KCNJ15: variants seen among roughly 807,000 people sequenced by gnomAD.
The protein encoded by KCNJ15 is potassium inwardly rectifying channel subfamily J member 15, also known as ATP-sensitive inward rectifier potassium channel 15.
A neutral mutation model predicts 23.0 loss-of-function variants in KCNJ15; 14 were observed. The ratio of observed to expected loss-of-function variants is 0.61; its 90% CI spans 0.40 to 0.95. KCNJ15 has a LOEUF of 0.95. Among genes scored for constraint, KCNJ15 ranks in the 40% least tolerant of loss-of-function variants. The pLI is 0.00. For synonymous variants in KCNJ15, 185 were observed against 183.2 expected (o/e 1.01, Z -0.08); for missense variants, 388 against 461.8 (o/e 0.84, Z 1.46).
chr21:38,247,101 C>CATGG (rs1251368471), intron 1 of KCNJ15, among the ~76,000 whole-genome samples: 17 of 70,244 alleles, frequency 2.4e-4, no homozygotes, highest in African/African-American at 6.9e-4. Context: ...TGGATGGATG[C>CATGG]ATGGATGGAT....
At chr21:38,244,098 G>A (rs750783335) in intron 1 of KCNJ15, among the ~76,000 whole-genome samples, 12 of 151,968 alleles carry the variant, frequency 7.9e-5, no homozygotes, top group South Asian at 2.1e-4. Flanking sequence ...AAATGTAACC[G>A]TCTTTTTATT....
At position 38,302,552 on chromosome 21, in the gene KCNJ15, T is replaced by G. The variant is rs2146359692; in HGVS notation, c.*2163T>G. On this transcript the variant is annotated 3_prime_UTR_variant, in exon 3 of 3. Transcript: ENST00000398938. ...AGATCTCCATTCCTTAAAAAAATATTACATGTCAGTGTAGTTAGATATTAT... is the reference window on the plus strand; with the variant it reads ...AGATCTCCATTCCTTAAAAAAATATGACATGTCAGTGTAGTTAGATATTAT... The G allele has an allele frequency of 6.6e-6, 1 of 152,160 alleles. No homozygotes were observed. The highest frequency in any genetic ancestry group is 2.1e-4 in the South Asian group (1 of 4,820). The allele number at this position is 152,160 out of a possible 1,614,324, so 9.4% of individuals were successfully genotyped here.
chr21:38,296,639 A>C (rs1985188297), intron 1 of KCNJ15: 1 of 152,472 alleles, frequency 6.6e-6, no homozygotes, highest in South Asian at 2.1e-4. Flanking sequence ...TGTGCCGGTC[A>C]GTTCATAGCG....
intron 1 of KCNJ15, among the ~76,000 whole-genome samples, chr21:38,232,391 G>C (rs9983292): frequency 0.46 from 69,896 of 151,462 alleles, 16,937 homozygotes; most frequent in East Asian, 0.86. Flanking sequence ...TTTGACCAAG[G>C]AATCAACTTT....
intron 1 of KCNJ15, among the ~76,000 whole-genome samples, chr21:38,259,297 T>C (rs1420543517): frequency 6.6e-6 from 1 of 152,152 alleles, no homozygotes; most frequent in African/African-American, 2.4e-5. Context: ...CGTCAGAGTC[T>C]TAGAGCCAAC....
At chr21:38,277,693 T>C (rs1982871022) in intron 1 of KCNJ15, among the ~76,000 whole-genome samples, 1 of 152,136 alleles carries the variant, frequency 6.6e-6, no homozygotes, top group African/African-American at 2.4e-5. Context: ...TCAGAAGATT[T>C]CAACACTGGG....
chr21:38,280,021 A>G (rs930766281), intron 1 of KCNJ15, among the ~76,000 whole-genome samples: 8 of 151,924 alleles, frequency 5.3e-5, no homozygotes, highest in Non-Finnish European at 1.0e-4. Context: ...CTGGGGAACA[A>G]CTCCCCTCAA....
intron 1 of KCNJ15, chr21:38,237,251 T>A (rs1978667786): frequency 6.6e-6 from 1 of 152,222 alleles, no homozygotes; most frequent in South Asian, 2.1e-4. Context: ...TACATAATGA[T>A]CCAAAAATAG....
chr21:38,293,265 ACCCACATG>A (rs535952991), intron 1 of KCNJ15, among the ~76,000 whole-genome samples: 41 of 152,094 alleles, frequency 2.7e-4, no homozygotes, highest in Middle Eastern at 3.4e-3. Context: ...TCCATGACCC[ACCCACATG>A]CAAGGCAAGC....
intron 1 of KCNJ15, among the ~76,000 whole-genome samples, chr21:38,278,026 G>A (rs776426632): frequency 5.9e-5 from 9 of 152,164 alleles, no homozygotes; most frequent in Non-Finnish European, 1.2e-4. Flanking sequence ...GCATGATTCC[G>A]TCTGCATCAC....
At chr21:38,238,084 A>C in intron 1 of KCNJ15, 1 of 324,958 alleles carries the variant, frequency 3.1e-6, no homozygotes, top group Non-Finnish European at 6.0e-6. Flanking sequence ...TGGGTGCCCA[A>C]GGGAGGCAGT....
chr21:38,270,400 C>T (rs1223485542), intron 1 of KCNJ15, among the ~76,000 whole-genome samples: 2 of 152,180 alleles, frequency 1.3e-5, no homozygotes, highest in African/African-American at 4.8e-5. Context: ...TAGCCTAATG[C>T]AATGTGAAAT....
intron 1 of KCNJ15, among the ~76,000 whole-genome samples, chr21:38,236,833 G>T (rs1443439132): frequency 6.6e-6 from 1 of 152,164 alleles, no homozygotes; most frequent in Admixed American, 6.5e-5. Context: ...TTCTGCTCCT[G>T]AAGTCATAAA....
chr21:38,247,663 C>A (rs560722208), intron 1 of KCNJ15, among the ~76,000 whole-genome samples: 2 of 152,190 alleles, frequency 1.3e-5, no homozygotes, highest in South Asian at 4.1e-4. Flanking sequence ...TTAATAGAAT[C>A]CTCTGTTACT....
At chr21:38,240,225 C>T (rs912828447) in intron 1 of KCNJ15, among the ~76,000 whole-genome samples, 1 of 152,078 alleles carries the variant, frequency 6.6e-6, no homozygotes, top group African/African-American at 2.4e-5. Context: ...GTGGCTAACC[C>T]CATCTTGACC....
upstream of KCNJ15, among the ~76,000 whole-genome samples, chr21:38,256,360 T>TTATATATATATATA (rs56679003): frequency 0.12 from 12,423 of 105,234 alleles, 1,041 homozygotes; most frequent in Non-Finnish European, 0.16. Context: ...TCTATTCAGC[T>TTATATATATATATA]TATATATATA....
At chr21:38,282,601 C>G (rs531011337) in intron 1 of KCNJ15, among the ~76,000 whole-genome samples, 1 of 152,222 alleles carries the variant, frequency 6.6e-6, no homozygotes, top group South Asian at 2.1e-4. Flanking sequence ...GGACTGGATT[C>G]CTCTCTGGGA....
chr21:38,260,898 C>T (rs913642868), intron 1 of KCNJ15, among the ~76,000 whole-genome samples: 1 of 152,124 alleles, frequency 6.6e-6, no homozygotes, highest in African/African-American at 2.4e-5. Flanking sequence ...TAGAACCAGC[C>T]AAGCAGGGCC....
At position 38,299,405 on chromosome 21, in the gene KCNJ15, A is replaced by G. The variant is rs201540447; in HGVS notation, c.144A>G (p.Leu48=). The G allele has an allele frequency of 6.2e-7, 1 of 1,614,070 alleles. No homozygotes were observed. The highest frequency in any genetic ancestry group is 1.3e-5 in the African/African-American group (1 of 75,010). ...VRIDKVDGIY[L]LYLQDLWTTV... The stretch of plus-strand genomic sequence containing the variant: ...TTGACAAAGTGGATGGCATATACCT[A>G]CTCTACCTGCAAGACCTGTGGACCA... Residue 48 remains leucine, a synonymous_variant, in exon 3 of 3, where the codon CTA becomes CTG. Coordinates refer to ENST00000398938, the MANE Select transcript of KCNJ15 (RefSeq NM_170736.3). This position sits in a 1 kb window ranked among gnomAD's most constrained non-coding sequence, Gnocchi z 4.5.
Sources: allele counts gnomAD v4.1 joint callset (sites outside exome capture counted in the v4.1 genomes callset), GRCh38; gene constraint gnomAD v4.1.1; non-coding constraint Gnocchi (gnomAD v3.1); transcripts MANE v1.5; gene names NCBI Gene and HGNC (gene_info 2026-07-23, HGNC 2026-07-21).